The following CD163L1 variants were observed in gnomAD, a reference collection of about 807,000 sequenced individuals.
CD163L1 encodes CD163 molecule like 1, also known as scavenger receptor cysteine-rich type 1 protein M160.
In CD163L1, 124 loss-of-function variants were observed where a neutral mutation model predicts 165.4. That is an observed-to-expected ratio of 0.75 (90% confidence interval 0.65 to 0.87). The LOEUF (loss-of-function observed/expected upper bound fraction) is 0.87, where lower values mean the gene tolerates loss of function less well. Among genes scored for constraint, CD163L1 ranks in the 40% least tolerant of loss-of-function variants. The pLI is 0.00. For synonymous variants in CD163L1, 585 were observed against 662.2 expected (o/e 0.88, Z 1.79); for missense variants, 1,525 against 1,799.9 (o/e 0.85, Z 2.76).
intron 8 of CD163L1, among the ~76,000 whole-genome samples, chr12:7,387,919 T>C (rs974670892): frequency 6.6e-6 from 1 of 152,152 alleles, no homozygotes; most frequent in Non-Finnish European, 1.5e-5. Context: ...CTGCTATTGG[T>C]ATGAAACAGA....
Position 7,398,203 on chromosome 12 carries a change from C to T in CD163L1, c.1729+61G>A. ...GTAAGCCAGTTTATAGACCCAGAAG[C>T]CCTTCCTATGAGGAATACTATTTCT... On this transcript the variant is annotated intron_variant, in intron 7 of 19. Transcript: ENST00000313599. This position sits in a 1 kb window ranked among gnomAD's most constrained non-coding sequence, Gnocchi z 4.5. The T allele has an allele frequency of 6.8e-7, 1 of 1,479,510 alleles. No homozygotes were observed. Among genetic ancestry groups the T allele is most frequent in the South Asian group, 1.3e-5 (1 of 77,272 alleles). The allele number at this position is 1,479,510 out of a possible 1,614,324, so 91.6% of individuals were successfully genotyped here.
At position 7,433,609 on chromosome 12, in the gene CD163L1, C is replaced by A; in HGVS notation, c.210G>T (p.Gly70=). ...TGTTCCACCCATCATCACACACAGT[C>A]CCCCACTGTCCCTGGAATTTCACCT... ...TVEVKFQGQW[G]TVCDDGWNTT... is the part of the protein sequence containing the mutation. The change falls in exon 3 of 20, where the codon GGG becomes GGT. Residue 70 remains glycine, a synonymous_variant. Transcript: ENST00000313599. The A allele has an allele frequency of 1.2e-6, 2 of 1,614,124 alleles. No individual in the cohort carries two copies. The highest frequency in any genetic ancestry group is 1.6e-4 in the Middle Eastern group (1 of 6,062).
At chr12:7,345,131 G>GTTTTTT (rs1317465014), downstream of CD163L1, among the ~76,000 whole-genome samples, 1 of 148,400 alleles carries the variant, frequency 6.7e-6, no homozygotes. Context: ...TACTGATAAT[G>GTTTTTT]CTTTTTTTTT....
rs961235555 is a variant in CD163L1 at position 7,398,902 on chromosome 12, T to C, written c.1409-318A>G. Among the ~76,000 whole-genome samples, 2 of 152,182 alleles carry C rather than the reference T, an allele frequency of 1.3e-5. No individual in the cohort carries two copies. Among genetic ancestry groups the C allele is most frequent in the Non-Finnish European group, 1.5e-5 (1 of 68,020 alleles). Reference sequence around the variant, plus strand: ...GCATGCAGAGAAGTTCTTTGAGGTATGGATACATTCAGGAGATAGCACTGG... The same window carrying C: ...GCATGCAGAGAAGTTCTTTGAGGTACGGATACATTCAGGAGATAGCACTGG... On this transcript the variant is annotated intron_variant, in intron 6 of 19. Transcript: ENST00000313599. The surrounding 1 kb of genome is among the most constrained non-coding windows in gnomAD (Gnocchi z 4.5).
chr12:7,399,310 TTTTC>T (rs1194070573), intron 6 of CD163L1, among the ~76,000 whole-genome samples: 2 of 151,080 alleles, frequency 1.3e-5, no homozygotes, highest in African/African-American at 2.4e-5. Flanking sequence ...CCTTTCTTTC[TTTTC>T]TTTCTTCTCT....
rs1947203452 is a variant in CD163L1, at chr12:7,374,171, T to C, written c.3409+271A>G. Among the ~76,000 whole-genome samples, 2 of 151,912 alleles carry C rather than the reference T, an allele frequency of 1.3e-5. No individual in the cohort carries two copies. Among genetic ancestry groups the C allele is most frequent in the Admixed American group, 6.6e-5 (1 of 15,256 alleles). On this transcript the variant is annotated intron_variant, in intron 13 of 19. Coordinates refer to ENST00000313599, the MANE Select transcript of CD163L1 (RefSeq NM_174941.6). This position sits in a 1 kb window ranked among gnomAD's most constrained non-coding sequence, Gnocchi z 5.4. Reference sequence around the variant, plus strand: ...TGACAGTGTGTTCTCAGAGCCAGAGTGGATGTCATGTAAGGTCCCTTTCTT... The same window carrying C: ...TGACAGTGTGTTCTCAGAGCCAGAGCGGATGTCATGTAAGGTCCCTTTCTT...
At chr12:7,366,274 G>A (rs1947019603) in intron 18 of CD163L1, among the ~76,000 whole-genome samples, 1 of 151,958 alleles carries the variant, frequency 6.6e-6, no homozygotes, top group Non-Finnish European at 1.5e-5. Context: ...ATAAAGAGAG[G>A]TTGATTGAGT....
At chr12:7,423,102 A>G (rs1324353350) in intron 4 of CD163L1, among the ~76,000 whole-genome samples, 1 of 152,172 alleles carries the variant, frequency 6.6e-6, no homozygotes, top group Non-Finnish European at 1.5e-5. Context: ...AGCAAATGCA[A>G]AAGAACAGAA....
intron 9 of CD163L1, among the ~76,000 whole-genome samples, chr12:7,376,976 C>G (rs1049224942): frequency 5.9e-5 from 9 of 152,164 alleles, no homozygotes; most frequent in African/African-American, 2.2e-4. Flanking sequence ...TCCCATGACT[C>G]CATATTTCAC....
At chr12:7,338,627 C>G in the CD163L1 span, among the ~76,000 whole-genome samples, 1 of 152,252 alleles carries the variant, frequency 6.6e-6, no homozygotes, top group South Asian at 2.1e-4. Context: ...GAATATCTGT[C>G]TAGTAACCTA....
intron 18 of CD163L1, among the ~76,000 whole-genome samples, chr12:7,366,228 G>T (rs1199627815): frequency 2.1e-5 from 3 of 145,696 alleles, no homozygotes; most frequent in African/African-American, 7.6e-5. Context: ...TAGATTGGTG[G>T]TTATCAGAGG....
chr12:7,350,626 A>G (rs1946700595), downstream of CD163L1, among the ~76,000 whole-genome samples: 1 of 152,154 alleles, frequency 6.6e-6, no homozygotes, highest in South Asian at 2.1e-4. Context: ...TGTGAAAACT[A>G]CTTCCTGGGA....
intron 4 of CD163L1, among the ~76,000 whole-genome samples, chr12:7,411,261 TTC>T (rs1301953447): frequency 6.6e-6 from 1 of 152,218 alleles, no homozygotes; most frequent in Non-Finnish European, 1.5e-5. Flanking sequence ...AACATAGATT[TTC>T]TTTTTAAAAT....
intron 4 of CD163L1, among the ~76,000 whole-genome samples, chr12:7,408,585 ATG>A (rs904141602): frequency 1.4e-4 from 22 of 152,192 alleles, no homozygotes; most frequent in African/African-American, 5.1e-4. Flanking sequence ...CACCTCAAAA[ATG>A]TGTATTTTAT....
intron 8 of CD163L1, among the ~76,000 whole-genome samples, chr12:7,395,117 T>A (rs1240667092): frequency 6.6e-6 from 1 of 152,208 alleles, no homozygotes; most frequent in African/African-American, 2.4e-5. Flanking sequence ...GGATTATAAA[T>A]CATGCTGCTA....
chr12:7,329,005 T>G, the CD163L1 span, among the ~76,000 whole-genome samples: 1 of 148,436 alleles, frequency 6.7e-6, no homozygotes, highest in South Asian at 2.1e-4. Context: ...TATGTATATA[T>G]AGATATATCT....
chr12:7,320,202 A>G, the CD163L1 span, among the ~76,000 whole-genome samples: 3 of 152,222 alleles, frequency 2.0e-5, no homozygotes, highest in Admixed American at 6.5e-5. Context: ...TTAAGAAACC[A>G]GAGACATAAT....
At chr12:7,335,310 C>T in the CD163L1 span, among the ~76,000 whole-genome samples, 1 of 152,094 alleles carries the variant, frequency 6.6e-6, no homozygotes, top group Non-Finnish European at 1.5e-5. Context: ...ACCAATGGAA[C>T]AGAACAGAGA....
the CD163L1 span, among the ~76,000 whole-genome samples, chr12:7,324,107 G>A: frequency 6.6e-6 from 1 of 152,008 alleles, no homozygotes; most frequent in Admixed American, 6.6e-5. Context: ...GAGCCCAGGA[G>A]GTCGAGGCTG....
Sources: allele counts gnomAD v4.1 joint callset (sites outside exome capture counted in the v4.1 genomes callset), GRCh38; gene constraint gnomAD v4.1.1; non-coding constraint Gnocchi (gnomAD v3.1); transcripts MANE v1.5; gene names NCBI Gene and HGNC (gene_info 2026-07-23, HGNC 2026-07-21).